Variants in PRKG2 observed in about 807,000 individuals in gnomAD.
PRKG2 encodes the protein cGMP-dependent protein kinase 2.
PRKG2 carries 33 observed loss-of-function variants against 97.2 expected under a neutral mutation model. The observed-to-expected ratio is 0.34, with a 90% CI of 0.26 to 0.45. PRKG2 has a LOEUF of 0.45. Among genes scored for constraint, PRKG2 ranks in the 20% least tolerant of loss-of-function variants. The pLI is 1.00. For missense variants in PRKG2, 638 were observed against 900.0 expected (o/e 0.71, Z 3.73); for synonymous variants, 330 against 321.8 (o/e 1.03, Z -0.27).
In PRKG2 at chr4:81,191,833, T is replaced by C. The variant is rs559846892; in HGVS notation, c.461+12754A>G. ...AATGGCCAAAATGAAAAAGACTGAC[T>C]GAATGCTGTTGAATGCATGAAGTCA... On this transcript the variant is annotated intron_variant, in intron 2 of 18. Transcript: ENST00000264399. 2.6e-5 allele frequency among the ~76,000 whole-genome samples: 4 copies of C among 152,286 alleles called. No homozygotes were observed. The East Asian group carries it at 7.7e-4, about 29-fold the overall frequency.
At position 81,155,189 on chromosome 4, in the gene PRKG2, A is replaced by AAAAAAAAAAAAAAAG. The variant is rs1334427898; in HGVS notation, c.913-1469_913-1468insCTTTTTTTTTTTTTT. Among the ~76,000 whole-genome samples the AAAAAAAAAAAAAAAG allele has an allele frequency of 3.6e-3, 536 of 148,154 alleles. 7 individuals carry two copies. The highest frequency in any genetic ancestry group is 0.014 in the Middle Eastern group (4 of 280). On this transcript the variant is annotated intron_variant, in intron 6 of 18. Coordinates refer to ENST00000264399, the MANE Select transcript of PRKG2 (RefSeq NM_006259.3). ...CGAGACTCCGTCTCAAAAAAAAAAA[A>AAAAAAAAAAAAAAAG]AAGAAGAATGTATAACTAGGATAAC...
chr4:81,171,799 G>T lies in PRKG2; in HGVS notation c.634C>A (p.Arg212=). 6.3e-7 allele frequency: 1 copy of T among 1,599,614 alleles called. No homozygotes were observed. The highest frequency in any genetic ancestry group is 1.1e-5 in the South Asian group (1 of 88,598). The change falls in exon 4 of 19, where the codon CGA becomes AGA. Residue 212 remains arginine (R), a synonymous_variant. Transcript: ENST00000264399. ...TTCTCCCCTTGGAACACCTCTAGTC[G>T]ACCCTCTATCAAGCAGAATTTTAAA... The part of the protein sequence containing the change: ...GNHIFVLAEG[R]LEVFQGEKLL...
At chr4:81,141,886 T>C (rs1023992278) in intron 11 of PRKG2, among the ~76,000 whole-genome samples, 9 of 152,174 alleles carry the variant, frequency 5.9e-5, no homozygotes, top group Non-Finnish European at 1.0e-4. Flanking sequence ...CCATCAGAGA[T>C]GAAGCAAGGA....
chr4:81,155,051 G>T (rs868556566), intron 6 of PRKG2, among the ~76,000 whole-genome samples: 7,623 of 150,066 alleles, frequency 0.051, 690 homozygotes, highest in African/African-American at 0.18. Flanking sequence ...AGTGGCGGGC[G>T]CCTGTAGTCC....
intron 14 of PRKG2, among the ~76,000 whole-genome samples, chr4:81,116,985 CTTTTTTT>C (rs58361616): frequency 2.8e-4 from 22 of 78,988 alleles, no homozygotes; most frequent in African/African-American, 7.0e-4. Flanking sequence ...CCTGTTGTTA[CTTTTTTT>C]TTTTTTTTTT....
rs539141331 is a variant in PRKG2 at position 81,118,243 on chromosome 4, C to T, written c.1777-7632G>A. Among the ~76,000 whole-genome samples, 8 of 152,318 alleles carry T rather than the reference C, an allele frequency of 5.3e-5. No individual in the cohort carries two copies. The East Asian group carries it at 1.2e-3, about 22-fold the overall frequency. On this transcript the variant is annotated intron_variant, in intron 14 of 18. Coordinates refer to ENST00000264399, the MANE Select transcript of PRKG2 (RefSeq NM_006259.3). ...CACTGTTTACCCATTCACCTACTGA[C>T]GGATACTGTGGCTGCTTCCAAGTTT...
Position 81,105,925 on chromosome 4 carries a change from A to G in PRKG2, c.1951T>C (p.Ser651Pro). The change falls in exon 16 of 19, where the codon TCT (serine) becomes CCT (proline). Residue 651 changes from serine (S) to proline (P), a missense_variant. Physicochemically the swap from Ser to Pro is moderately conservative, Grantham distance 74 (BLOSUM62 -1). Around this residue, in one of 3 missense-constraint regions of PRKG2, gnomAD observed 304 missense variants for 460.5 expected, o/e 0.66. Coordinates refer to ENST00000264399, the MANE Select transcript of PRKG2 (RefSeq NM_006259.3). ...YELLTGNPPF[S>P]GVDQMMTYNL... is the part of the protein sequence containing the mutation. ...TAGGTCATCATTTGGTCAACCCCAG[A>G]AAAGGGTGGGCTAGATAGAGAAAAT... 1 of 1,613,490 alleles carries G rather than the reference A, an allele frequency of 6.2e-7. No individual in the cohort carries two copies. The highest frequency in any genetic ancestry group is 8.5e-7 in the Non-Finnish European group (1 of 1,179,572).
intron 8 of PRKG2, among the ~76,000 whole-genome samples, chr4:81,149,751 C>T (rs1186846316): frequency 1.3e-5 from 2 of 152,152 alleles, no homozygotes; most frequent in Non-Finnish European, 2.9e-5. Flanking sequence ...GCACCCAGTG[C>T]TCTGAGATTC....
At chr4:81,121,666 A>G (rs572243808) in intron 14 of PRKG2, among the ~76,000 whole-genome samples, 12 of 152,308 alleles carry the variant, frequency 7.9e-5, no homozygotes, top group Middle Eastern at 3.4e-3. Context: ...CATGAAATAT[A>G]TGGAATTCAT....
chr4:81,110,719 TA>T (rs1743814009), intron 14 of PRKG2, 108 bp from the exon 15 acceptor site: 5 of 1,056,922 alleles, frequency 4.7e-6, no homozygotes, highest in Non-Finnish European at 7.0e-6. Flanking sequence ...CCCTTCTTTT[TA>T]TACCATGCAC....
At chr4:81,125,498 A>C (rs1046245251) in intron 14 of PRKG2, among the ~76,000 whole-genome samples, 1 of 152,156 alleles carries the variant, frequency 6.6e-6, no homozygotes, top group African/African-American at 2.4e-5. Context: ...AGACTACTAT[A>C]TGTTTATACA....
At chr4:81,103,024 A>AT (rs1398277385) in intron 17 of PRKG2, among the ~76,000 whole-genome samples, 1 of 152,198 alleles carries the variant, frequency 6.6e-6, no homozygotes, top group Non-Finnish European at 1.5e-5. Context: ...CTTAAAAGTA[A>AT]TTTTTTTATC....
chr4:81,098,790 A>T (rs1281925800), intron 17 of PRKG2, among the ~76,000 whole-genome samples: 3 of 152,158 alleles, frequency 2.0e-5, no homozygotes, highest in African/African-American at 7.2e-5. Flanking sequence ...TCAAAGATCA[A>T]TGATCACAGA....
chr4:81,163,221 G>A (rs192917187), intron 6 of PRKG2, among the ~76,000 whole-genome samples: 18 of 152,220 alleles, frequency 1.2e-4, no homozygotes, highest in African/African-American at 4.1e-4. Flanking sequence ...AATATATAGT[G>A]GTAAGTACTG....
At chr4:81,203,868 G>A (rs1753475103) in intron 2 of PRKG2, among the ~76,000 whole-genome samples, 1 of 152,102 alleles carries the variant, frequency 6.6e-6, no homozygotes, top group Non-Finnish European at 1.5e-5. Flanking sequence ...CATGCTCCTT[G>A]AAGTCTGTTA....
At chr4:81,102,875 TG>T (rs2109965079) in intron 17 of PRKG2, among the ~76,000 whole-genome samples, 2 of 152,310 alleles carry the variant, frequency 1.3e-5, no homozygotes, top group East Asian at 3.9e-4. Flanking sequence ...GTTCATACCA[TG>T]TTGATGTGCC....
Position 81,129,029 on chromosome 4 carries a change from G to A in PRKG2, c.1776+6126C>T, listed in dbSNP as rs564957828. The stretch of plus-strand genomic sequence containing the variant: ...GGTATGTTGTGTCTTTGTTCTCATT[G>A]GTTTCAAACAGCTTATTTATTTCTG... On this transcript the variant is annotated intron_variant, in intron 14 of 18. Coordinates refer to ENST00000264399, the MANE Select transcript of PRKG2 (RefSeq NM_006259.3). Among the ~76,000 whole-genome samples the A allele has an allele frequency of 2.8e-3, 432 of 152,156 alleles. 1 individual carries two copies. Among genetic ancestry groups the A allele is most frequent in the African/African-American group, 9.9e-3 (409 of 41,498 alleles).
intron 6 of PRKG2, among the ~76,000 whole-genome samples, chr4:81,158,661 C>A (rs1268967648): frequency 6.6e-6 from 1 of 152,058 alleles, no homozygotes; most frequent in Non-Finnish European, 1.5e-5. Context: ...GCCAAAAGAA[C>A]AAAGCTGGAG....
chr4:81,164,264 C>T lies in PRKG2; in HGVS notation c.912+2897G>A, dbSNP rs138475303. 3.7e-3 allele frequency among the ~76,000 whole-genome samples: 570 copies of T among 152,238 alleles called. 5 individuals are homozygous for T. Among genetic ancestry groups the T allele is most frequent in the African/African-American group, 0.013 (539 of 41,542 alleles). ...AGAGATGATATGCTAAAGCCTACCA[C>T]AATTCATTGACAGCTGGTAGAGTGA... On this transcript the variant is annotated intron_variant, in intron 6 of 18. Transcript: ENST00000264399.
Sources: allele counts gnomAD v4.1 joint callset (sites outside exome capture counted in the v4.1 genomes callset), GRCh38; gene constraint gnomAD v4.1.1; regional missense constraint gnomAD v4.1.1; transcripts MANE v1.5; gene names NCBI Gene and HGNC (gene_info 2026-07-23, HGNC 2026-07-21).